Variants in SCAP observed in about 807,000 individuals in gnomAD.
The protein encoded by SCAP is sterol regulatory element-binding protein cleavage-activating protein.
Under a neutral mutation model 123.6 loss-of-function variants are expected in SCAP, and 65 were observed. The ratio of observed to expected loss-of-function variants is 0.53; its 90% CI spans 0.43 to 0.65. The LOEUF (loss-of-function observed/expected upper bound fraction) is 0.65, where lower values mean the gene tolerates loss of function less well. Among genes scored for constraint, SCAP ranks in the 30% least tolerant of loss-of-function variants. The pLI is 0.00. For missense variants in SCAP, 1,398 were observed against 1,712.5 expected (o/e 0.82, Z 3.24); for synonymous variants, 740 against 726.3 (o/e 1.02, Z -0.30).
intron 3 of SCAP, chr3:47,428,891 T>C (rs1309494287): frequency 2.1e-6 from 1 of 487,052 alleles, no homozygotes; most frequent in Non-Finnish European, 3.6e-6. Flanking sequence ...AAGAACTGGC[T>C]GAAATAAGCT....
chr3:47,431,123 G>C (rs1706337745), intron 3 of SCAP, among the ~76,000 whole-genome samples: 2 of 151,172 alleles, frequency 1.3e-5, no homozygotes, highest in Non-Finnish European at 2.9e-5. Context: ...GGGAGGCACA[G>C]AGGCACCTGG....
intron 18 of SCAP, among the ~76,000 whole-genome samples, 188 bp downstream of exon 18, chr3:47,416,934 C>T (rs191708975): frequency 1.3e-5 from 2 of 152,054 alleles, no homozygotes; most frequent in Admixed American, 6.6e-5. Flanking sequence ...CCACCCCTAA[C>T]GCTTTTAATT....
intron 2 of SCAP, among the ~76,000 whole-genome samples, chr3:47,441,972 T>C (rs1374323204): frequency 6.7e-6 from 1 of 149,722 alleles, no homozygotes; most frequent in African/African-American, 2.5e-5. Context: ...CCTCCCAGTG[T>C]TGGAATTACA....
intron 6 of SCAP, 82 bp from the exon 7 acceptor site, chr3:47,426,251 A>C: frequency 1.5e-6 from 2 of 1,368,876 alleles, no homozygotes; most frequent in Admixed American, 4.9e-5. Context: ...CAGAGGGTCC[A>C]TCAGGACCTC....
intron 1 of SCAP, among the ~76,000 whole-genome samples, chr3:47,469,276 G>A (rs896308039): frequency 6.6e-6 from 1 of 152,198 alleles, no homozygotes; most frequent in African/African-American, 2.4e-5. Context: ...TGAACCGGGA[G>A]GCAAAGGTTG....
intron 18 of SCAP, among the ~76,000 whole-genome samples, chr3:47,415,791 C>T (rs1477472971): frequency 6.6e-6 from 1 of 152,198 alleles, no homozygotes; most frequent in Admixed American, 6.5e-5. Flanking sequence ...GCATGTCTGC[C>T]TACAACCTCT....
chr3:47,435,465 AACATACACACACACACACACAC>A (rs1300116992), intron 2 of SCAP, among the ~76,000 whole-genome samples: 35 of 121,526 alleles, frequency 2.9e-4, no homozygotes, highest in Admixed American at 5.9e-4. Flanking sequence ...ATATAATATA[AACATACACACACACACACACAC>A]ACACACACAC....
intron 1 of SCAP, among the ~76,000 whole-genome samples, chr3:47,460,659 G>C (rs1411333123): frequency 6.6e-6 from 1 of 152,082 alleles, no homozygotes; most frequent in Non-Finnish European, 1.5e-5. Flanking sequence ...CCAGGTTCAA[G>C]CGATTCTCCT....
chr3:47,418,993 G>A (rs1034970752), intron 13 of SCAP, 150 bp from the exon 14 acceptor site: 3 of 916,298 alleles, frequency 3.3e-6, no homozygotes, highest in African/African-American at 1.7e-5. Flanking sequence ...ACAGAGGTAG[G>A]TCCCTCCCCA....
At chr3:47,466,047 C>T (rs1707813511) in intron 1 of SCAP, among the ~76,000 whole-genome samples, 1 of 150,364 alleles carries the variant, frequency 6.7e-6, no homozygotes, top group Admixed American at 6.7e-5. Context: ...GCAGGAGAAT[C>T]GCTTGAACCC....
At position 47,438,500 on chromosome 3, in the gene SCAP, AACTTGCTTTC is replaced by A. The variant is rs549974406; in HGVS notation, c.123-3373_123-3364del. 7.2e-4 allele frequency among the ~76,000 whole-genome samples: 110 copies of A among 152,188 alleles called. 1 individual carries two copies. In the South Asian group the frequency reaches 0.023, roughly 31 times the overall value. ...TCTTTATTCCTTTACTTTTCTAATAAACTTGCTTTCACTTAAAAAAAAGTTAATTTAGGCT... is the reference window on the plus strand; with the variant it reads ...TCTTTATTCCTTTACTTTTCTAATAAACTTAAAAAAAAGTTAATTTAGGCT... On this transcript the variant is annotated intron_variant, in intron 2 of 22. Transcript: ENST00000265565.
chr3:47,442,769 G>A, intron 2 of SCAP, 103 bp downstream of exon 2: 1 of 1,025,250 alleles, frequency 9.8e-7, no homozygotes, highest in Non-Finnish European at 1.5e-6. Context: ...CTCCCATTGT[G>A]TAAAAAGCAT....
At chr3:47,473,079 T>TCAAAAAAAAAAAAAAAAAAAAAAA (rs1262103314) in intron 1 of SCAP, among the ~76,000 whole-genome samples, 4 of 1,526 alleles carry the variant, frequency 2.6e-3, no homozygotes, top group Non-Finnish European at 8.2e-3. Flanking sequence ...AAACTCCATC[T>TCAAAAAAAAAAAAAAAAAAAAAAA]CAAAAAAAAA....
intron 1 of SCAP, among the ~76,000 whole-genome samples, chr3:47,474,026 G>A (rs1031497030): frequency 6.6e-6 from 1 of 152,118 alleles, no homozygotes; most frequent in African/African-American, 2.4e-5. Flanking sequence ...AGCACTTTGG[G>A]AGGCCGAAGC....
chr3:47,422,451 G>A lies in SCAP; in HGVS notation c.1236C>T (p.Pro412=), dbSNP rs141804213. 3.0e-4 allele frequency: 490 copies of A among 1,613,114 alleles called. 1 individual carries two copies. Among genetic ancestry groups the A allele is most frequent in the Non-Finnish European group, 3.2e-4 (382 of 1,179,612 alleles). Residue 412 remains proline (P), a synonymous_variant, in exon 10 of 23, where the codon CCC becomes CCT. Coordinates refer to ENST00000265565, the MANE Select transcript of SCAP (RefSeq NM_012235.4). ...IILIGYFTLV[P]AIQEFCLFAV... ...GGCCTTGGGGCCTTACCTGGATGGCGGGCACTAGGGTGAAGTAGCCGATGA... is the reference window on the plus strand; with the variant it reads ...GGCCTTGGGGCCTTACCTGGATGGCAGGCACTAGGGTGAAGTAGCCGATGA...
intron 6 of SCAP, among the ~76,000 whole-genome samples, chr3:47,426,598 C>T (rs903406408): frequency 5.9e-5 from 9 of 152,168 alleles, no homozygotes; most frequent in African/African-American, 1.4e-4. Flanking sequence ...CCACCACGCC[C>T]GGCTAATTTT....
At chr3:47,467,885 C>G (rs1031235450) in intron 1 of SCAP, among the ~76,000 whole-genome samples, 1 of 145,410 alleles carries the variant, frequency 6.9e-6, no homozygotes, top group Non-Finnish European at 1.5e-5. Context: ...CTCCCCCCAT[C>G]CCCCGGCAGG....
At chr3:47,446,518 T>G (rs1707049727) in intron 1 of SCAP, among the ~76,000 whole-genome samples, 1 of 152,136 alleles carries the variant, frequency 6.6e-6, no homozygotes, top group Non-Finnish European at 1.5e-5. Flanking sequence ...GTTCTTCAGT[T>G]GGGGTTTTTG....
intron 20 of SCAP, 83 bp from the exon 21 acceptor site, chr3:47,414,735 T>C (rs6442066): frequency 1 from 1,605,657 of 1,609,880 alleles, 800,826 homozygotes; most frequent in East Asian, 1. Context: ...CTGTTCTTCA[T>C]CAGGACTCTT....
Sources: gnomAD v4.1 joint callset for allele counts (sites outside exome capture counted in the v4.1 genomes callset) on GRCh38, gnomAD v4.1.1 for gene constraint, MANE v1.5 for transcripts, NCBI Gene and HGNC (gene_info 2026-07-23, HGNC 2026-07-21) for gene names.